TNK2: variants seen among roughly 807,000 people sequenced by gnomAD.
TNK2 encodes activated CDC42 kinase 1.
In TNK2, 83 loss-of-function variants were observed where a neutral mutation model predicts 101.8. The ratio of observed to expected loss-of-function variants is 0.82; its 90% CI spans 0.68 to 0.98. The LOEUF (loss-of-function observed/expected upper bound fraction) is 0.98. TNK2 is among the 50% of genes least tolerant of loss of function. TNK2 has a pLI of 0.00. For missense variants in TNK2, 1,665 were observed against 1,483.2 expected (o/e 1.12, Z -2.01); for synonymous variants, 804 against 633.0 (o/e 1.27, Z -4.06).
rs145745099 is a variant in TNK2, at chr3:195,865,205, T to G, written c.3162-1018A>C. 9.2e-3 allele frequency among the ~76,000 whole-genome samples: 938 copies of G among 102,462 alleles called. 12 individuals are homozygous for G. The highest frequency in any genetic ancestry group is 0.034 in the Admixed American group (337 of 9,946). 67.2% of individuals were successfully genotyped at this position (102,462 alleles called of 152,430 possible). On this transcript the variant is annotated intron_variant, in intron 15 of 15. Transcript: ENST00000672887. ...ACAGTGACAGACAGGTGACAGCGAG[T>G]GCCTGCGTCCCAGATGCAAATCAGT...
rs769773996 is a variant in TNK2, at chr3:195,868,217, G to T, written c.2081C>A (p.Pro694Gln). Residue 694 changes from proline (P) to glutamine (Q), a missense_variant, in exon 13 of 16, where the codon CCG (proline) becomes CAG (glutamine). By Grantham distance (76) the Pro-to-Gln change is moderately conservative (BLOSUM62 -1). Coordinates refer to ENST00000672887, the MANE Select transcript of TNK2 (RefSeq NM_001382273.1). ...NYAFVPEQAR[P>Q]PPPLEDNLFL... is the part of the protein sequence containing the mutation. Reference sequence around the variant, plus strand: ...CAGGTTGTCCTCCAGGGGAGGGGGCGGCCGCGCCTGCTCAGGCACAAAGGC... The same window carrying T: ...CAGGTTGTCCTCCAGGGGAGGGGGCTGCCGCGCCTGCTCAGGCACAAAGGC... 2 of 1,606,600 alleles carry T rather than the reference G, an allele frequency of 1.2e-6. No homozygotes were observed. Among genetic ancestry groups the T allele is most frequent in the Non-Finnish European group, 8.5e-7 (1 of 1,178,994 alleles).
chr3:195,867,970 C>T lies in TNK2; in HGVS notation c.2328G>A (p.Pro776=), dbSNP rs201018392. 6.7e-5 allele frequency: 103 copies of T among 1,541,924 alleles called. 1 individual carries two copies. The highest frequency in any genetic ancestry group is 1.2e-4 in the African/African-American group (9 of 72,314). ...RPHVQLSPAP[P]GEEETSQWPG... ...GCCACTGGCTGGTCTCCTCCTCGCCCGGGGGGGCTGGAGACAGCTGGACGT... is the reference window on the plus strand; with the variant it reads ...GCCACTGGCTGGTCTCCTCCTCGCCTGGGGGGGCTGGAGACAGCTGGACGT... The change falls in exon 13 of 16, where the codon CCG becomes CCA. Residue 776 remains proline (P), a synonymous_variant. Coordinates refer to ENST00000672887, the MANE Select transcript of TNK2 (RefSeq NM_001382273.1).
chr3:195,869,339 G>A (rs899749078), intron 12 of TNK2, 158 bp downstream of exon 12: 7 of 766,910 alleles, frequency 9.1e-6, no homozygotes, highest in Non-Finnish European at 1.5e-5. Flanking sequence ...GCTCGAGGGG[G>A]GGCAGGCATG....
intron 15 of TNK2, among the ~76,000 whole-genome samples, chr3:195,866,631 G>A (rs1741028828): frequency 6.6e-6 from 1 of 152,238 alleles, no homozygotes; most frequent in Non-Finnish European, 1.5e-5. Flanking sequence ...AGGTGCTAGG[G>A]AAGCAAGCCT....
rs1753597918 is a variant in TNK2 at position 195,882,459 on chromosome 3, G to A, written c.610-131C>T. ...GCTGCACGCACCTTCCTGGCCTGCT[G>A]TCTGGGGACCTCTAGGAGTCCTGCA... On this transcript the variant is annotated intron_variant, in intron 5 of 15. Coordinates refer to ENST00000672887, the MANE Select transcript of TNK2 (RefSeq NM_001382273.1). The surrounding 1 kb of genome is among the most constrained non-coding windows in gnomAD (Gnocchi z 4.2). 6.5e-7 allele frequency: 1 copy of A among 1,550,002 alleles called. No homozygotes were observed. The highest frequency in any genetic ancestry group is 1.4e-5 in the African/African-American group (1 of 73,118).
At position 195,867,660 on chromosome 3, in the gene TNK2, G is replaced by A. The variant is rs532011309; in HGVS notation, c.2638C>T (p.Arg880Ter). 1.6e-5 allele frequency: 25 copies of A among 1,605,182 alleles called. No homozygotes were observed. Among genetic ancestry groups the A allele is most frequent in the African/African-American group, 9.3e-5 (7 of 75,002 alleles). The stretch of plus-strand genomic sequence containing the variant: ...TGGTAGCGCTCCAGGTAGGATGGTC[G>A]CTCGGGCAGCAAGTAATAGTGGGTG... ...SSTHYYLLPE[R>*]PSYLERYQRF... Residue 880 changes from arginine (R) to a stop codon, truncating the protein, a stop_gained, in exon 13 of 16, where the codon CGA (arginine) becomes TGA (stop). Coordinates refer to ENST00000672887, the MANE Select transcript of TNK2 (RefSeq NM_001382273.1). LOFTEE classifies it high-confidence loss of function.
At chr3:195,869,853 C>T (rs775653370) in intron 11 of TNK2, 27 of 556,854 alleles carry the variant, frequency 4.8e-5, no homozygotes, top group Admixed American at 6.4e-5. Flanking sequence ...GATCTGAGCT[C>T]GGCCGTGGAA....
In TNK2 at chr3:195,879,411, G is replaced by A. The variant is rs1387249307; in HGVS notation, c.888-236C>T. Reference sequence around the variant, plus strand: ...TCACTTGCAGCCTGGTGGGGGAAGAGGAAAGGAAGTTTCCCAGCCAGAGAA... The same window carrying A: ...TCACTTGCAGCCTGGTGGGGGAAGAAGAAAGGAAGTTTCCCAGCCAGAGAA... On this transcript the variant is annotated intron_variant, in intron 6 of 15. Transcript: ENST00000672887. 2.1e-5 allele frequency: 10 copies of A among 468,774 alleles called. No homozygotes were observed. In the East Asian group the frequency reaches 2.4e-4, roughly 11 times the overall value. The allele number at this position is 468,774 out of a possible 1,614,324, so 29.0% of individuals were successfully genotyped here.
rs757157561 is a variant in TNK2 at position 195,879,033 on chromosome 3, G to A, written c.1014+16C>T. The A allele has an allele frequency of 1.9e-5, 30 of 1,611,752 alleles. No individual in the cohort carries two copies. The highest frequency in any genetic ancestry group is 5.0e-5 in the Admixed American group (3 of 59,950). On this transcript the variant is annotated intron_variant, in intron 7 of 15. Coordinates refer to ENST00000672887, the MANE Select transcript of TNK2 (RefSeq NM_001382273.1). ...CACCCCACCAGCCCTATGGGGGCCC[G>A]TCTCCCAGCCCTCACCTGACTGCCG... is the stretch of plus-strand genomic sequence containing the variant.
Position 195,870,124 on chromosome 3 carries a change from T to C in TNK2, c.1533A>G (p.Gly511=), listed in dbSNP as rs1169152189. ...LSTSRPPQHL[G]GVKREPPPRP... is the part of the protein sequence containing the mutation. ...CAGAGGGGCTCTTACTTTTCACCCC[T>C]CCTAGATGCTGGGGGGGCCGGGAGG... Residue 511 remains glycine, a synonymous_variant, in exon 11 of 16, where the codon GGA becomes GGG. Transcript: ENST00000672887. 1 of 1,388,708 alleles carries C rather than the reference T, an allele frequency of 7.2e-7. No individual in the cohort carries two copies. The highest frequency in any genetic ancestry group is 3.1e-5 in the East Asian group (1 of 32,624). 86.0% of individuals were successfully genotyped at this position (1,388,708 alleles called of 1,614,324 possible).
chr3:195,885,551 G>A lies in TNK2; in HGVS notation c.235-518C>T. 5.4e-6 allele frequency: 7 copies of A among 1,291,210 alleles called. No homozygotes were observed. The highest frequency in any genetic ancestry group is 7.1e-6 in the Non-Finnish European group (7 of 989,838). The allele number at this position is 1,291,210 out of a possible 1,614,324, so 80.0% of individuals were successfully genotyped here. ...AGTCGGCTGCCCTTCATCCTGCCCAGGGGAGAGGATAATTTTAGTCTGAGG... is the reference window on the plus strand; with the variant it reads ...AGTCGGCTGCCCTTCATCCTGCCCAAGGGAGAGGATAATTTTAGTCTGAGG... On this transcript the variant is annotated intron_variant, in intron 3 of 15. Transcript: ENST00000672887. The surrounding 1 kb of genome is among the most constrained non-coding windows in gnomAD (Gnocchi z 4.7).
Position 195,882,934 on chromosome 3 carries a change from T to TGAG in TNK2, c.609+222_609+223insCTC, listed in dbSNP as rs1383246342. Among the ~76,000 whole-genome samples, 2 of 152,118 alleles carry TGAG rather than the reference T, an allele frequency of 1.3e-5. No individual in the cohort carries two copies. The highest frequency in any genetic ancestry group is 2.4e-5 in the African/African-American group (1 of 41,416). On this transcript the variant is annotated intron_variant, in intron 5 of 15. Coordinates refer to ENST00000672887, the MANE Select transcript of TNK2 (RefSeq NM_001382273.1). This position sits in a 1 kb window ranked among gnomAD's most constrained non-coding sequence, Gnocchi z 4.2. ...AGCCCCTCCCATGGGAGTAACTCTC[T>TGAG]TGACACTGAGCACCAGCAAAATCCA...
intron 1 of TNK2, chr3:195,891,989 G>C (rs937810072): frequency 3.0e-5 from 30 of 1,005,194 alleles, no homozygotes; most frequent in African/African-American, 3.4e-5. Context: ...GTGGGAGGAC[G>C]GGAAGGAACT....
Position 195,896,069 on chromosome 3 carries a change from C to T in TNK2, c.-18-7463G>A, listed in dbSNP as rs1163237300. Reference sequence around the variant, plus strand: ...CGCACTGACCTCCTTGACTTCAGAGCGGTGACACGAGGGCCCGGACTCCTG... The same window carrying T: ...CGCACTGACCTCCTTGACTTCAGAGTGGTGACACGAGGGCCCGGACTCCTG... On this transcript the variant is annotated intron_variant, in intron 1 of 15. Transcript: ENST00000672887. 4 of 455,242 alleles carry T rather than the reference C, an allele frequency of 8.8e-6. No individual in the cohort carries two copies. The East Asian group carries it at 2.8e-4, about 32-fold the overall frequency. 28.2% of individuals were successfully genotyped at this position (455,242 alleles called of 1,614,324 possible).
Position 195,868,371 on chromosome 3 carries a change from G to T in TNK2, c.1927C>A (p.Pro643Thr), listed in dbSNP as rs1051925368. 3.1e-6 allele frequency: 5 copies of T among 1,595,432 alleles called. No individual in the cohort carries two copies. Among genetic ancestry groups the T allele is most frequent in the Non-Finnish European group, 4.2e-6 (5 of 1,176,636 alleles). Reference sequence around the variant, plus strand: ...TCATAGGCGGGCGGGGGGGGCAGCGGGCGTGCGTCCCAGTCCACCACAGGC... The same window carrying T: ...TCATAGGCGGGCGGGGGGGGCAGCGTGCGTGCGTCCCAGTCCACCACAGGC... ...PTPVVDWDAR[P>T]LPPPPAYDDV... The change falls in exon 13 of 16, where the codon CCG becomes ACG. Residue 643 changes from proline (P) to threonine (T), a missense_variant. Physicochemically the swap from Pro to Thr is conservative, Grantham distance 38. Coordinates refer to ENST00000672887, the MANE Select transcript of TNK2 (RefSeq NM_001382273.1).
intron 1 of TNK2, chr3:195,895,207 G>A (rs1760093328): frequency 3.4e-6 from 5 of 1,471,800 alleles, no homozygotes; most frequent in Middle Eastern, 1.8e-4. Context: ...AGGGGTCTGG[G>A]GCCCAGGTAT....
chr3:195,895,239 C>A (rs375243228), intron 1 of TNK2: 1 of 1,537,330 alleles, frequency 6.5e-7, no homozygotes, highest in South Asian at 1.2e-5. Flanking sequence ...CTAGCCTTCC[C>A]CATTACCTGC....
intron 15 of TNK2, among the ~76,000 whole-genome samples, chr3:195,864,956 C>T (rs1739621678): frequency 1.5e-5 from 2 of 132,904 alleles, no homozygotes; most frequent in South Asian, 2.5e-4. Flanking sequence ...GCCTGCATCC[C>T]AGATGCAAAT....
At chr3:195,869,469 C>T (rs1275658412) in intron 12 of TNK2, 28 bp downstream of exon 12, 7 of 1,535,486 alleles carry the variant, frequency 4.6e-6, no homozygotes, top group Non-Finnish European at 5.3e-6. Context: ...GGGGCGGGGG[C>T]CAAGGCATCG....
Sources: gnomAD v4.1 joint callset for allele counts (sites outside exome capture counted in the v4.1 genomes callset) on GRCh38, gnomAD v4.1.1 for gene constraint, Gnocchi (gnomAD v3.1) non-coding constraint, MANE v1.5 for transcripts, NCBI Gene and HGNC (gene_info 2026-07-23, HGNC 2026-07-21) for gene names.